FBXO4: variants seen among roughly 807,000 people sequenced by gnomAD.
The protein encoded by FBXO4 is F-box only protein 4.
In FBXO4, 36 loss-of-function variants were observed where a neutral mutation model predicts 43.7. The ratio of observed to expected loss-of-function variants is 0.82; its 90% confidence interval spans 0.63 to 1.09. The LOEUF (loss-of-function observed/expected upper bound fraction) is 1.09, where lower values mean the gene tolerates loss of function less well. Among genes scored for constraint, FBXO4 ranks in the 50% least tolerant of loss-of-function variants. The pLI, the probability that FBXO4 is intolerant of heterozygous loss-of-function variation, is 0.00. For missense variants in FBXO4, 435 were observed against 474.1 expected (o/e 0.92, Z 0.77); for synonymous variants, 180 against 165.6 (o/e 1.09, Z -0.67).
the FBXO4 span, among the ~76,000 whole-genome samples, chr5:41,996,770 A>ACC: frequency 0.15 from 22,658 of 152,102 alleles, 2,838 homozygotes; most frequent in African/African-American, 0.34. Flanking sequence ...CTTATCCTTC[A>ACC]CTAGAAAGAA....
chr5:42,004,146 C>A, the FBXO4 span, among the ~76,000 whole-genome samples: 7 of 152,284 alleles, frequency 4.6e-5, no homozygotes, highest in African/African-American at 1.4e-4. Flanking sequence ...TCTGTAGACA[C>A]CTCCTTGTAA....
At chr5:41,929,545 T>A (rs745726214) in intron 2 of FBXO4, 152 bp from the exon 3 acceptor site, 14 of 620,732 alleles carry the variant, frequency 2.3e-5, no homozygotes, top group Non-Finnish European at 3.5e-5. Context: ...ATACATATTA[T>A]AAAGGTGTCT....
chr5:42,036,624 G>C, the FBXO4 span, among the ~76,000 whole-genome samples: 3 of 152,074 alleles, frequency 2.0e-5, no homozygotes, highest in Admixed American at 2.0e-4. Context: ...GGGAATTAAA[G>C]TTTATAATAT....
the FBXO4 span, among the ~76,000 whole-genome samples, chr5:42,012,200 G>A: frequency 1.3e-5 from 2 of 152,122 alleles, no homozygotes; most frequent in African/African-American, 4.8e-5. Flanking sequence ...TATTCATCAT[G>A]GTGGCGTGCT....
chr5:41,989,796 C>T, the FBXO4 span, among the ~76,000 whole-genome samples: 1 of 152,116 alleles, frequency 6.6e-6, no homozygotes, highest in Admixed American at 6.6e-5. Context: ...TCAAACATTC[C>T]ACCTTAGATT....
the FBXO4 span, among the ~76,000 whole-genome samples, chr5:42,022,862 T>C: frequency 6.6e-6 from 1 of 152,050 alleles, no homozygotes; most frequent in Non-Finnish European, 1.5e-5. Context: ...TCAGATTATC[T>C]GGATACTCTT....
the FBXO4 span, among the ~76,000 whole-genome samples, chr5:42,014,333 T>G: frequency 1.3e-5 from 2 of 152,234 alleles, no homozygotes; most frequent in Non-Finnish European, 2.9e-5. Context: ...CAGGAATTTA[T>G]ACTATAAGAA....
Position 41,925,489 on chromosome 5 carries a change from G to A in FBXO4, c.180G>A (p.Thr60=), listed in dbSNP as rs1579968912. The change falls in exon 1 of 7, where the codon ACG becomes ACA. Residue 60 remains threonine (T), a synonymous_variant. Coordinates refer to ENST00000281623, the MANE Select transcript of FBXO4 (RefSeq NM_012176.3). ...TGGATGAGGCGGCCAGCACCCTGAC[G>A]CGGCTGCCGGTGAGCGTCGGCCGCA... The part of the protein sequence containing the change: ...EEVDEAASTL[T]RLPIDVQLYI... 6.1e-6 allele frequency: 8 copies of A among 1,309,760 alleles called. No individual in the cohort carries two copies. In the East Asian group the frequency reaches 2.5e-4, roughly 41 times the overall value. The allele number at this position is 1,309,760 out of a possible 1,614,324, so 81.1% of individuals were successfully genotyped here.
chr5:41,969,273 A>C, the FBXO4 span, among the ~76,000 whole-genome samples: 4 of 152,176 alleles, frequency 2.6e-5, no homozygotes, highest in Non-Finnish European at 5.9e-5. Flanking sequence ...AGTTCATGAA[A>C]ATATATTGTA....
chr5:41,946,123 A>G (rs1752074426), downstream of FBXO4, among the ~76,000 whole-genome samples: 1 of 152,142 alleles, frequency 6.6e-6, no homozygotes, highest in African/African-American at 2.4e-5. Context: ...TATCCAGTGC[A>G]TTGTTGGCAC....
the FBXO4 span, among the ~76,000 whole-genome samples, chr5:41,950,095 C>A: frequency 6.6e-6 from 1 of 152,108 alleles, no homozygotes; most frequent in Non-Finnish European, 1.5e-5. Context: ...AATGTAAGAC[C>A]TAAAACCATA....
At chr5:41,996,620 T>G in the FBXO4 span, among the ~76,000 whole-genome samples, 4 of 152,194 alleles carry the variant, frequency 2.6e-5, no homozygotes, top group Non-Finnish European at 5.9e-5. Flanking sequence ...ACTGGCAGCC[T>G]TTTGGGTCAC....
the FBXO4 span, among the ~76,000 whole-genome samples, chr5:42,014,831 G>A: frequency 1.1e-4 from 17 of 152,042 alleles, no homozygotes; most frequent in African/African-American, 4.1e-4. Context: ...CCACCAGAAA[G>A]CATGGGTTTT....
At chr5:42,004,519 C>T in the FBXO4 span, among the ~76,000 whole-genome samples, 1 of 152,048 alleles carries the variant, frequency 6.6e-6, no homozygotes, top group Admixed American at 6.6e-5. Flanking sequence ...TGTTTAAATA[C>T]ATAGGACCAT....
At chr5:41,959,411 A>G in the FBXO4 span, among the ~76,000 whole-genome samples, 22 of 151,150 alleles carry the variant, frequency 1.5e-4, no homozygotes, top group Admixed American at 9.9e-4. Context: ...AATTCTATTT[A>G]TCTTCTTGTT....
At chr5:41,988,081 T>C in the FBXO4 span, among the ~76,000 whole-genome samples, 1 of 152,196 alleles carries the variant, frequency 6.6e-6, no homozygotes, top group Non-Finnish European at 1.5e-5. Context: ...TAAAATGAAC[T>C]GTAACACACG....
Position 41,925,353 on chromosome 5 carries a change from C to G in FBXO4, c.44C>G (p.Pro15Arg). The part of the protein sequence containing the change: ...EPRSGTNSPP[P>R]PFSDWGRLEA... Reference sequence around the variant, plus strand: ...CGCAGCGGAACAAACTCGCCGCCGCCGCCCTTCAGCGACTGGGGCCGCCTG... The same window carrying G: ...CGCAGCGGAACAAACTCGCCGCCGCGGCCCTTCAGCGACTGGGGCCGCCTG... Residue 15 changes from proline (P) to arginine (R), a missense_variant, in exon 1 of 7, where the codon CCG becomes CGG. Pro to Arg is a moderately radical substitution (Grantham distance 103). Transcript: ENST00000281623. The G allele has an allele frequency of 2.2e-6, 3 of 1,368,986 alleles. No homozygotes were observed. Among genetic ancestry groups the G allele is most frequent in the Middle Eastern group, 2.0e-4 (1 of 5,098 alleles). 84.8% of individuals were successfully genotyped at this position (1,368,986 alleles called of 1,614,324 possible).
chr5:41,983,630 T>G, the FBXO4 span, among the ~76,000 whole-genome samples: 14 of 152,234 alleles, frequency 9.2e-5, no homozygotes, highest in African/African-American at 3.1e-4. Context: ...ATCACTTTTC[T>G]TTTAACTTAT....
At chr5:41,998,710 A>C in the FBXO4 span, among the ~76,000 whole-genome samples, 1 of 152,096 alleles carries the variant, frequency 6.6e-6, no homozygotes, top group Non-Finnish European at 1.5e-5. Flanking sequence ...TGGGGAAGCT[A>C]TTTCTTCTGC....
Sources: gnomAD v4.1 joint callset for allele counts (sites outside exome capture counted in the v4.1 genomes callset) on GRCh38, gnomAD v4.1.1 for gene constraint, MANE v1.5 for transcripts, NCBI Gene and HGNC (gene_info 2026-07-23, HGNC 2026-07-21) for gene names.